The following ZBTB44 variants were observed in gnomAD, a reference collection of about 807,000 sequenced individuals.
ZBTB44 encodes the protein zinc finger and BTB domain containing 44, also known as zinc finger and BTB domain-containing protein 44.
ZBTB44 carries 15 observed loss-of-function variants against 54.0 expected under a neutral mutation model. The ratio of observed to expected loss-of-function variants is 0.28; its 90% CI spans 0.19 to 0.43. The LOEUF (loss-of-function observed/expected upper bound fraction) is 0.43. ZBTB44 is among the 20% of genes least tolerant of loss of function. The pLI, the probability that ZBTB44 is intolerant of heterozygous loss-of-function variation, is 1.00. For missense variants in ZBTB44, 487 were observed against 707.1 expected (o/e 0.69, Z 3.53); for synonymous variants, 230 against 250.1 (o/e 0.92, Z 0.76).
At chr11:130,251,179 C>T (rs759772015) in intron 2 of ZBTB44, among the ~76,000 whole-genome samples, 17 of 151,822 alleles carry the variant, frequency 1.1e-4, no homozygotes, top group Non-Finnish European at 2.1e-4. Flanking sequence ...ATGGATCAAG[C>T]GGAAGAAAGA....
chr11:130,297,889 C>T (rs1941746940), intron 1 of ZBTB44, among the ~76,000 whole-genome samples: 1 of 152,062 alleles, frequency 6.6e-6, no homozygotes, highest in Non-Finnish European at 1.5e-5. Flanking sequence ...CACAGATTGT[C>T]AGAAGAGATA....
chr11:130,273,760 G>C (rs1939849842), intron 1 of ZBTB44, among the ~76,000 whole-genome samples: 1 of 152,054 alleles, frequency 6.6e-6, no homozygotes, highest in Non-Finnish European at 1.5e-5. Context: ...TAAACAGGTT[G>C]AGTATCCCTT....
intron 1 of ZBTB44, among the ~76,000 whole-genome samples, chr11:130,274,885 A>G (rs1410384250): frequency 6.6e-6 from 1 of 152,160 alleles, no homozygotes; most frequent in Non-Finnish European, 1.5e-5. Context: ...ATGATATGGG[A>G]ACAGCAGTTC....
intron 4 of ZBTB44, among the ~76,000 whole-genome samples, chr11:130,237,679 G>A (rs948734171): frequency 6.6e-6 from 1 of 152,164 alleles, no homozygotes; most frequent in African/African-American, 2.4e-5. Flanking sequence ...TTATCACAGT[G>A]TTTTGGGGAA....
At chr11:130,267,462 G>C (rs1291252441) in intron 1 of ZBTB44, among the ~76,000 whole-genome samples, 3 of 152,110 alleles carry the variant, frequency 2.0e-5, no homozygotes, top group African/African-American at 7.2e-5. Context: ...CTGGAGTACA[G>C]TGGCATGATC....
At chr11:130,313,966 A>G (rs1671080) in intron 1 of ZBTB44, among the ~76,000 whole-genome samples, 6 of 116,134 alleles carry the variant, frequency 5.2e-5, no homozygotes, top group Middle Eastern at 4.3e-3. Context: ...ATATATATAT[A>G]TTTTTTTAAA....
At chr11:130,284,535 C>T (rs1311337313) in intron 1 of ZBTB44, among the ~76,000 whole-genome samples, 3 of 152,108 alleles carry the variant, frequency 2.0e-5, no homozygotes, top group Non-Finnish European at 4.4e-5. Flanking sequence ...AGGGATGGAG[C>T]ACAGATGACT....
At chr11:130,265,841 G>A (rs976200941) in intron 1 of ZBTB44, among the ~76,000 whole-genome samples, 1 of 152,228 alleles carries the variant, frequency 6.6e-6, no homozygotes, top group Non-Finnish European at 1.5e-5. Context: ...GCTAGCAGAA[G>A]TTGATTCATG....
At chr11:130,296,015 T>C in intron 1 of ZBTB44, 2 of 1,570,382 alleles carry the variant, frequency 1.3e-6, no homozygotes, top group Non-Finnish European at 1.8e-6. Context: ...CCAGGGTTTA[T>C]GTATAAAAAC....
At chr11:130,288,402 A>T (rs1200367923) in intron 1 of ZBTB44, among the ~76,000 whole-genome samples, 3 of 151,464 alleles carry the variant, frequency 2.0e-5, no homozygotes, top group African/African-American at 7.3e-5. Flanking sequence ...TAAATAAAAT[A>T]AAATAAAAAA....
chr11:130,241,895 T>C (rs1410701570), intron 2 of ZBTB44, among the ~76,000 whole-genome samples: 1 of 152,196 alleles, frequency 6.6e-6, no homozygotes, highest in African/African-American at 2.4e-5. Flanking sequence ...GTGCCTCCTG[T>C]GTTGTATGTC....
At chr11:130,302,553 G>A (rs1477326043) in intron 1 of ZBTB44, among the ~76,000 whole-genome samples, 1 of 152,124 alleles carries the variant, frequency 6.6e-6, no homozygotes, top group Admixed American at 6.6e-5. Flanking sequence ...CAGTGGGAAG[G>A]TCCAAAGCAG....
At chr11:130,253,887 A>G (rs1938223250) in intron 2 of ZBTB44, among the ~76,000 whole-genome samples, 1 of 152,230 alleles carries the variant, frequency 6.6e-6, no homozygotes, top group Non-Finnish European at 1.5e-5. Flanking sequence ...CCAATGGACC[A>G]GAACAGAGCC....
At chr11:130,271,158 G>A (rs995295191) in intron 1 of ZBTB44, among the ~76,000 whole-genome samples, 2 of 152,096 alleles carry the variant, frequency 1.3e-5, no homozygotes, top group Non-Finnish European at 2.9e-5. Flanking sequence ...GTCTGGTTTT[G>A]CTATATAAAA....
chr11:130,313,748 A>G (rs905513418), intron 1 of ZBTB44, among the ~76,000 whole-genome samples: 1 of 152,154 alleles, frequency 6.6e-6, no homozygotes, highest in African/African-American at 2.4e-5. Context: ...ACGGGGTTTT[A>G]TTGTAAATTC....
At chr11:130,293,471 CAAAAA>C (rs1197563571) in intron 1 of ZBTB44, among the ~76,000 whole-genome samples, 3 of 78,628 alleles carry the variant, frequency 3.8e-5, no homozygotes, top group Non-Finnish European at 5.1e-5. Context: ...GATCTTGTAT[CAAAAA>C]AAAAAAAAAA....
intron 2 of ZBTB44, among the ~76,000 whole-genome samples, chr11:130,258,373 T>C (rs893157714): frequency 4.6e-5 from 7 of 151,604 alleles, no homozygotes; most frequent in African/African-American, 1.7e-4. Flanking sequence ...TGGTTTTAAG[T>C]CTTCATTCAC....
chr11:130,245,111 T>C (rs1954585850), intron 2 of ZBTB44, among the ~76,000 whole-genome samples: 1 of 152,202 alleles, frequency 6.6e-6, no homozygotes, highest in African/African-American at 2.4e-5. Context: ...CGCAGGACTA[T>C]GTGTGTTTAC....
chr11:130,283,772 C>A (rs1200717710), intron 1 of ZBTB44, among the ~76,000 whole-genome samples: 1 of 150,710 alleles, frequency 6.6e-6, no homozygotes, highest in Non-Finnish European at 1.5e-5. Flanking sequence ...TTGAGATCCA[C>A]CTGGCCAAAA....
Sources: allele counts gnomAD v4.1 joint callset (sites outside exome capture counted in the v4.1 genomes callset), GRCh38; gene constraint gnomAD v4.1.1; transcripts MANE v1.5; gene names NCBI Gene and HGNC (gene_info 2026-07-23, HGNC 2026-07-21).